The following PRTG variants were observed in gnomAD, a reference collection of about 807,000 sequenced individuals.
PRTG encodes immunoglobulin superfamily, DCC subclass, member 5.
PRTG carries 67 observed loss-of-function variants against 122.5 expected under a neutral mutation model. The observed-to-expected ratio is 0.55, with a 90% CI of 0.45 to 0.67. The LOEUF (loss-of-function observed/expected upper bound fraction) is 0.67, where lower values mean the gene tolerates loss of function less well. Among genes scored for constraint, PRTG ranks in the 30% least tolerant of loss-of-function variants. The probability of loss-of-function intolerance (pLI) is 0.00; values close to 1 mark genes in which losing one functional copy is unlikely to be tolerated. For synonymous variants in PRTG, 554 were observed against 501.1 expected (o/e 1.11, Z -1.41); for missense variants, 1,435 against 1,415.4 (o/e 1.01, Z -0.22).
chr15:55,712,240 C>T (rs1304870349), intron 2 of PRTG, among the ~76,000 whole-genome samples: 1 of 152,198 alleles, frequency 6.6e-6, no homozygotes, highest in Non-Finnish European at 1.5e-5. Flanking sequence ...GTTAATGAAT[C>T]AATTGCCAGC....
chr15:55,737,990 C>CTG (rs2031468935), intron 2 of PRTG, among the ~76,000 whole-genome samples: 2 of 62,088 alleles, frequency 3.2e-5, no homozygotes, highest in South Asian at 8.8e-4. Flanking sequence ...CTCTCTCTCT[C>CTG]TCTCTCTCTC....
At chr15:55,644,391 TTCAA>T (rs2059309061) in intron 11 of PRTG, among the ~76,000 whole-genome samples, 1 of 152,182 alleles carries the variant, frequency 6.6e-6, no homozygotes, top group Non-Finnish European at 1.5e-5. Context: ...TGCAAACAAC[TTCAA>T]TCAATACTGC....
chr15:55,723,585 G>GATGGAT (rs1399829060), intron 2 of PRTG, among the ~76,000 whole-genome samples: 1 of 152,048 alleles, frequency 6.6e-6, no homozygotes, highest in Admixed American at 6.5e-5. Flanking sequence ...TACAAAACTT[G>GATGGAT]ATGGATTCCA....
At position 55,639,901 on chromosome 15, in the gene PRTG, T is replaced by C; in HGVS notation, c.2138-73A>G. ...CATAGAAAGTGGTAAAATGGTAAAATAATAATATCCCACCCTATAAGTTGA... is the reference window on the plus strand; with the variant it reads ...CATAGAAAGTGGTAAAATGGTAAAACAATAATATCCCACCCTATAAGTTGA... On this transcript the variant is annotated intron_variant, in intron 12 of 19. Transcript: ENST00000389286. 2.6e-6 allele frequency: 4 copies of C among 1,562,422 alleles called. No homozygotes were observed. In the Admixed American group the frequency reaches 7.3e-5, roughly 29 times the overall value.
At chr15:55,742,556 G>A (rs547094928) in intron 1 of PRTG, 105 of 420,044 alleles carry the variant, frequency 2.5e-4, no homozygotes, top group African/African-American at 2.1e-3. Context: ...AGTGGACAGC[G>A]GCCGCCAGAA....
rs1031483905 is a variant in PRTG at position 55,740,704 on chromosome 15, G to C, written c.95-20C>G. 6.3e-7 allele frequency: 1 copy of C among 1,582,778 alleles called. No homozygotes were observed. The highest frequency in any genetic ancestry group is 8.6e-7 in the Non-Finnish European group (1 of 1,166,012). Reference sequence around the variant, plus strand: ...ACACTCCTATAAGGAAAAAAAAGGAGAACGGCACATCCAGAATTACAGGCA... The same window carrying C: ...ACACTCCTATAAGGAAAAAAAAGGACAACGGCACATCCAGAATTACAGGCA... On this transcript the variant is annotated intron_variant, in intron 1 of 19. Transcript: ENST00000389286.
At chr15:55,670,853 T>C (rs948845891) in intron 11 of PRTG, among the ~76,000 whole-genome samples, 14 of 150,402 alleles carry the variant, frequency 9.3e-5, no homozygotes, top group African/African-American at 3.4e-4. Flanking sequence ...TGAGCTGAGA[T>C]TGTGCCATTA....
intron 2 of PRTG, 99 bp from the exon 3 acceptor site, chr15:55,684,030 T>G (rs2059556682): frequency 1.9e-6 from 2 of 1,049,936 alleles, no homozygotes; most frequent in African/African-American, 3.2e-5. Flanking sequence ...GAACCCTTGC[T>G]TGGATATAAG....
intron 15 of PRTG, among the ~76,000 whole-genome samples, chr15:55,630,407 G>C (rs1332758380): frequency 6.6e-6 from 1 of 152,158 alleles, no homozygotes; most frequent in Non-Finnish European, 1.5e-5. Context: ...ACAGGTGTGA[G>C]TCACCGCACC....
At chr15:55,672,071 A>G (rs1433006004) in intron 11 of PRTG, among the ~76,000 whole-genome samples, 1 of 152,210 alleles carries the variant, frequency 6.6e-6, no homozygotes, top group Non-Finnish European at 1.5e-5. Context: ...GGCACATTTT[A>G]AGTGAAACTT....
intron 14 of PRTG, 85 bp downstream of exon 14, chr15:55,638,464 T>A (rs751134609): frequency 3.7e-6 from 4 of 1,073,168 alleles, no homozygotes; most frequent in Non-Finnish European, 5.3e-6. Flanking sequence ...TAGGGTAGTA[T>A]CCTACACAGA....
At chr15:55,693,865 T>C (rs2059618327) in intron 2 of PRTG, among the ~76,000 whole-genome samples, 1 of 152,182 alleles carries the variant, frequency 6.6e-6, no homozygotes, top group South Asian at 2.1e-4. Flanking sequence ...ACACTGGTTT[T>C]ATTTTCAGAA....
chr15:55,632,871 G>A (rs1490666493), intron 15 of PRTG, among the ~76,000 whole-genome samples: 5 of 152,196 alleles, frequency 3.3e-5, no homozygotes, highest in Non-Finnish European at 5.9e-5. Context: ...TACTGCCAGT[G>A]CCTAGAATAG....
chr15:55,689,401 T>G (rs1022384875), intron 2 of PRTG, among the ~76,000 whole-genome samples: 2 of 152,148 alleles, frequency 1.3e-5, no homozygotes, highest in African/African-American at 4.8e-5. Context: ...TCTTCCTTTA[T>G]GCCAAATACA....
chr15:55,626,915 T>C, intron 17 of PRTG, 93 bp downstream of exon 17: 1 of 1,138,672 alleles, frequency 8.8e-7, no homozygotes, highest in East Asian at 2.6e-5. Context: ...GAAATCCCAG[T>C]TACTCTAAAA....
chr15:55,713,612 T>C (rs1341436387), intron 2 of PRTG, among the ~76,000 whole-genome samples: 4 of 152,248 alleles, frequency 2.6e-5, no homozygotes, highest in Non-Finnish European at 5.9e-5. Flanking sequence ...TTAAAATTTT[T>C]GTCAATTTAC....
chr15:55,721,380 CAG>C (rs1413665842), intron 2 of PRTG, among the ~76,000 whole-genome samples: 3 of 152,148 alleles, frequency 2.0e-5, no homozygotes, highest in African/African-American at 7.2e-5. Context: ...AGTTAAATTC[CAG>C]GTTCGTTAAC....
intron 2 of PRTG, among the ~76,000 whole-genome samples, chr15:55,735,928 C>A (rs1285844425): frequency 6.6e-6 from 1 of 152,020 alleles, no homozygotes; most frequent in Non-Finnish European, 1.5e-5. Context: ...GCCTGTAGAA[C>A]TATATATGCA....
At chr15:55,736,649 C>T (rs1415017457) in intron 2 of PRTG, among the ~76,000 whole-genome samples, 1 of 152,008 alleles carries the variant, frequency 6.6e-6, no homozygotes, top group African/African-American at 2.4e-5. Flanking sequence ...ACAACCTTAC[C>T]AAAGGCAAAC....
Sources: allele counts gnomAD v4.1 joint callset (sites outside exome capture counted in the v4.1 genomes callset), GRCh38; gene constraint gnomAD v4.1.1; transcripts MANE v1.5; gene names NCBI Gene and HGNC (gene_info 2026-07-23, HGNC 2026-07-21).